ECHDC2: variants seen among roughly 807,000 people sequenced by gnomAD.
The protein encoded by ECHDC2 is enoyl-CoA hydratase domain-containing protein 2, mitochondrial.
A neutral mutation model predicts 40.6 loss-of-function variants in ECHDC2; 34 were observed. That is an observed-to-expected ratio of 0.84 (90% CI 0.64 to 1.11). The LOEUF (loss-of-function observed/expected upper bound fraction) is 1.11. Among genes scored for constraint, ECHDC2 ranks in the 50% most tolerant of loss-of-function variants. The pLI, the probability that ECHDC2 is intolerant of heterozygous loss-of-function variation, is 0.00. For missense variants in ECHDC2, 392 were observed against 400.7 expected, an observed-to-expected ratio of 0.98 and a Z score of 0.19; for synonymous variants, 162 against 166.6, an observed-to-expected ratio of 0.97 and a Z score of 0.21.
At chr1:52,916,890 T>G (rs1001811918) in intron 1 of ECHDC2, among the ~76,000 whole-genome samples, 5 of 152,180 alleles carry the variant, frequency 3.3e-5, no homozygotes, top group African/African-American at 1.2e-4. Context: ...TCCAGATGGC[T>G]TGGGTCACAG....
At chr1:52,919,261 A>G (rs929916641) in intron 1 of ECHDC2, among the ~76,000 whole-genome samples, 1 of 152,180 alleles carries the variant, frequency 6.6e-6, no homozygotes, top group Non-Finnish European at 1.5e-5. Flanking sequence ...TGCAGCTTCC[A>G]GTCCTGCAAG....
At chr1:52,904,991 C>G in intron 6 of ECHDC2, 43 bp downstream of exon 6, 1 of 1,613,558 alleles carries the variant, frequency 6.2e-7, no homozygotes, top group Non-Finnish European at 8.5e-7. Flanking sequence ...AGCGAAGGAC[C>G]CTGGATGGGG....
intron 7 of ECHDC2, chr1:52,899,469 C>A (rs927868494): frequency 5.4e-6 from 3 of 553,684 alleles, no homozygotes; most frequent in Non-Finnish European, 9.7e-6. Context: ...ATCCTTCCAA[C>A]ATGCACAACA....
chr1:52,921,081 A>G (rs147988536), intron 1 of ECHDC2, among the ~76,000 whole-genome samples: 1 of 152,228 alleles, frequency 6.6e-6, no homozygotes, highest in Admixed American at 6.5e-5. Flanking sequence ...AGCCAGAAGG[A>G]CGCAAAGGTT....
intron 7 of ECHDC2, chr1:52,900,895 C>T (rs1232941626): frequency 2.6e-5 from 4 of 152,270 alleles, no homozygotes; most frequent in Non-Finnish European, 5.9e-5. Context: ...TGCAGTGGCT[C>T]ACGCCTGTAA....
At chr1:52,918,477 C>T (rs1651212789) in intron 1 of ECHDC2, among the ~76,000 whole-genome samples, 1 of 152,060 alleles carries the variant, frequency 6.6e-6, no homozygotes, top group South Asian at 2.1e-4. Context: ...CGTTATCGCC[C>T]CTGAAGACCT....
At chr1:52,913,777 G>A in intron 1 of ECHDC2, 1 of 269,406 alleles carries the variant, frequency 3.7e-6, no homozygotes, top group South Asian at 9.1e-5. Context: ...CGCCACCCGG[G>A]GGCCCTAGTG....
intron 5 of ECHDC2, chr1:52,905,367 CCCTCTTCTGTCTGCTT>C: frequency 1.9e-6 from 1 of 522,144 alleles, no homozygotes; most frequent in Non-Finnish European, 3.4e-6. Context: ...AGATGGCTGG[CCCTCTTCTGTCTGCTT>C]CAGAGAGCCG....
At chr1:52,904,854 G>A (rs1460159873) in intron 6 of ECHDC2, 21 bp from the exon 7 acceptor site, 1 of 1,606,052 alleles carries the variant, frequency 6.2e-7, no homozygotes, top group Admixed American at 1.7e-5. Flanking sequence ...GGAGGGAGCA[G>A]GGTGGGAATC....
At chr1:52,910,496 G>A (rs1557504128) in intron 3 of ECHDC2, among the ~76,000 whole-genome samples, 3 of 150,566 alleles carry the variant, frequency 2.0e-5, no homozygotes, top group Non-Finnish European at 4.4e-5. Context: ...AGCCTCCTGA[G>A]TAGCTGGGAT....
At position 52,904,715 on chromosome 1, in the gene ECHDC2, C is replaced by T. The variant is rs774658468; in HGVS notation, c.633G>A (p.Val211=). 7.4e-6 allele frequency: 12 copies of T among 1,612,606 alleles called. No homozygotes were observed. The East Asian group carries it at 2.2e-4, about 30-fold the overall frequency. The change falls in exon 7 of 10, where the codon GTG becomes GTA. Residue 211 remains valine, a synonymous_variant. Transcript: ENST00000371522. The stretch of plus-strand genomic sequence containing the variant: ...CGGCGTCCCCCTCCTCGTTCTGGGC[C>T]ACAGCGTGATTCACCAGCCCCAGTA... ...AHVLGLVNHA[V]AQNEEGDAAY... is the part of the protein sequence containing the mutation.
At chr1:52,899,059 TAGA>T (rs1646817986) in intron 8 of ECHDC2, 112 bp downstream of exon 8, 4 of 1,049,532 alleles carry the variant, frequency 3.8e-6, no homozygotes, top group Non-Finnish European at 4.4e-6. Context: ...TCAAGTCTGT[TAGA>T]AGAGTCCACT....
At chr1:52,902,899 G>T (rs1179910143) in intron 7 of ECHDC2, among the ~76,000 whole-genome samples, 1 of 151,994 alleles carries the variant, frequency 6.6e-6, no homozygotes, top group Non-Finnish European at 1.5e-5. Context: ...GGGATAATCA[G>T]TTCAACTGGA....
At chr1:52,906,399 A>T in intron 5 of ECHDC2, 120 bp downstream of exon 5, 3 of 861,540 alleles carry the variant, frequency 3.5e-6, no homozygotes, top group Non-Finnish European at 5.8e-6. Flanking sequence ...GCCTTGCCTT[A>T]GTTTTGCTTT....
At chr1:52,905,186 T>G (rs1221658898) in intron 5 of ECHDC2, 96 bp from the exon 6 acceptor site, 13 of 1,350,716 alleles carry the variant, frequency 9.6e-6, no homozygotes, top group African/African-American at 1.4e-5. Flanking sequence ...TACTCGCCCC[T>G]CTAGCCACTT....
chr1:52,910,558 G>A (rs1303816613), intron 3 of ECHDC2, among the ~76,000 whole-genome samples: 8 of 151,498 alleles, frequency 5.3e-5, no homozygotes, highest in Non-Finnish European at 8.8e-5. Context: ...TAGTAGAGAC[G>A]CGGTTTCACC....
At chr1:52,905,899 C>T in intron 5 of ECHDC2, 1 of 206,768 alleles carries the variant, frequency 4.8e-6, no homozygotes, top group South Asian at 8.0e-5. Context: ...TGGAGCTACA[C>T]ATTTTTATAT....
At chr1:52,902,188 GCT>G (rs1302239372) in intron 7 of ECHDC2, 4 of 152,158 alleles carry the variant, frequency 2.6e-5, no homozygotes, top group Non-Finnish European at 5.9e-5. Flanking sequence ...ACAGAATCTT[GCT>G]CTGTCACTTG....
rs2150052495 is a variant in ECHDC2, at chr1:52,907,686, G to A, written c.364+182C>T. 7.0e-6 allele frequency: 4 copies of A among 571,728 alleles called. No homozygotes were observed. In the South Asian group the frequency reaches 7.1e-5, roughly 10 times the overall value. The allele number at this position is 571,728 out of a possible 1,614,324, so 35.4% of individuals were successfully genotyped here. A position where few individuals can be genotyped will look rare whatever the true frequency, so the allele number is the denominator to read the frequency against. On this transcript the variant is annotated intron_variant, in intron 4 of 9. Transcript: ENST00000371522. ...GCGGGACACAAAAGCTGAAGAGCCA[G>A]AACTCCCTCTCTGAGAGAACTGCCC... is the stretch of plus-strand genomic sequence containing the variant.
Sources: gnomAD v4.1 joint callset for allele counts (sites outside exome capture counted in the v4.1 genomes callset) on GRCh38, gnomAD v4.1.1 for gene constraint, MANE v1.5 for transcripts, NCBI Gene and HGNC (gene_info 2026-07-23, HGNC 2026-07-21) for gene names.